The following GEN1 variants were observed in gnomAD, a reference collection of about 807,000 sequenced individuals.
GEN1 encodes flap endonuclease GEN homolog 1.
A neutral mutation model predicts 67.6 loss-of-function variants in GEN1; 64 were observed. The observed-to-expected ratio is 0.95, with a 90% confidence interval of 0.77 to 1.17. The LOEUF (loss-of-function observed/expected upper bound fraction) is 1.17, where lower values mean the gene tolerates loss of function less well. Ranked by LOEUF, GEN1 falls within the 50% of genes most tolerant of loss-of-function variation. GEN1 has a pLI of 0.00. For synonymous variants in GEN1, 371 were observed against 359.4 expected (o/e 1.03, Z -0.37); for missense variants, 1,058 against 1,048.3 (o/e 1.01, Z -0.13).
rs1168882758 is a variant in GEN1 at position 17,772,766 on chromosome 2, T to C, written c.935T>C (p.Val312Ala). Reference protein sequence around the residue: ...RTEHDRQLSEVENNIKKKACC... With the variant: ...RTEHDRQLSEAENNIKKKACC... Reference sequence around the variant, plus strand: ...GAACATGATAGGCAACTCAGTGAAGTAGAGAACAATATTAAGAAGTAAGTT... The same window carrying C: ...GAACATGATAGGCAACTCAGTGAAGCAGAGAACAATATTAAGAAGTAAGTT... Residue 312 changes from valine to alanine, a missense_variant, in exon 8 of 14, where the codon GTA (valine) becomes GCA (alanine). By Grantham distance (64) the Val-to-Ala change is moderately conservative. Transcript: ENST00000381254. 6.2e-7 allele frequency: 1 copy of C among 1,609,566 alleles called. No individual in the cohort carries two copies. Among genetic ancestry groups the C allele is most frequent in the Non-Finnish European group, 8.5e-7 (1 of 1,177,660 alleles).
In GEN1 at chr2:17,782,117, A is replaced by G. The variant is rs917688323; in HGVS notation, c.*178A>G. On this transcript the variant is annotated 3_prime_UTR_variant, in exon 14 of 14. Coordinates refer to ENST00000381254, the MANE Select transcript of GEN1 (RefSeq NM_001130009.3). ...AAGTCACCTAAAACTCTGGTTTTAA[A>G]AGATCCTCTGTATTGAAAACTTCTG... 1.7e-5 allele frequency: 8 copies of G among 480,848 alleles called. No individual in the cohort carries two copies. The highest frequency in any genetic ancestry group is 4.0e-5 in the African/African-American group (2 of 50,078). The allele number at this position is 480,848 out of a possible 1,614,324, so 29.8% of individuals were successfully genotyped here.
chr2:17,756,019 T>C (rs1419880516), intron 1 of GEN1, among the ~76,000 whole-genome samples: 1 of 152,226 alleles, frequency 6.6e-6, no homozygotes, highest in Non-Finnish European at 1.5e-5. Context: ...AAGCAATACT[T>C]TCTGAAATAG....
intron 4 of GEN1, 143 bp downstream of exon 4, chr2:17,765,216 A>C (rs1671870757): frequency 2.9e-6 from 2 of 691,376 alleles, no homozygotes; most frequent in East Asian, 5.7e-5. Context: ...ACTGTTATTA[A>C]AAATCATTGC....
At chr2:17,773,729 T>A (rs1672300627) in intron 10 of GEN1, among the ~76,000 whole-genome samples, 1 of 152,106 alleles carries the variant, frequency 6.6e-6, no homozygotes, top group Non-Finnish European at 1.5e-5. Context: ...AGAAATAATA[T>A]TACTTATCTC....
At position 17,764,995 on chromosome 2, in the gene GEN1, T is replaced by C. The variant is rs765113183; in HGVS notation, c.447T>C (p.Asp149=). 3.1e-6 allele frequency: 5 copies of C among 1,614,210 alleles called. No individual in the cohort carries two copies. The highest frequency in any genetic ancestry group is 3.4e-6 in the Non-Finnish European group (4 of 1,180,022). ...CAYLNAGGHV[D]GCLTNDGDTF... ...ATCTCAATGCTGGTGGTCATGTCGA[T>C]GGCTGCCTCACCAATGATGGAGATA... is the stretch of plus-strand genomic sequence containing the variant. The change falls in exon 4 of 14, where the codon GAT becomes GAC. Residue 149 remains aspartate, a synonymous_variant. Transcript: ENST00000381254.
Position 17,764,973 on chromosome 2 carries a change from T to G in GEN1, c.425T>G (p.Leu142Arg). Reference protein sequence around the residue: ...AGEAEAMCAYLNAGGHVDGCL... With the variant: ...AGEAEAMCAYRNAGGHVDGCL... The stretch of plus-strand genomic sequence containing the variant: ...GAAGCTGAAGCCATGTGTGCTTATC[T>G]CAATGCTGGTGGTCATGTCGATGGC... The change falls in exon 4 of 14, where the codon CTC (leucine) becomes CGC (arginine). Residue 142 changes from leucine (L) to arginine (R), a missense_variant. Coordinates refer to ENST00000381254, the MANE Select transcript of GEN1 (RefSeq NM_001130009.3). 1 of 1,614,182 alleles carries G rather than the reference T, an allele frequency of 6.2e-7. No homozygotes were observed. The highest frequency in any genetic ancestry group is 1.1e-5 in the South Asian group (1 of 91,090).
chr2:17,772,936 C>G (rs1672262281), intron 8 of GEN1, 152 bp downstream of exon 8: 4 of 881,426 alleles, frequency 4.5e-6, no homozygotes, highest in Non-Finnish European at 6.9e-6. Flanking sequence ...TTTAGCTAAC[C>G]TAGGAGATAG....
rs750630847 is a variant in GEN1 at position 17,766,739 on chromosome 2, A to C, written c.636+50A>C. 3.1e-6 allele frequency: 3 copies of C among 977,994 alleles called. No individual in the cohort carries two copies. In the East Asian group the frequency reaches 7.2e-5, roughly 23 times the overall value. The allele number at this position is 977,994 out of a possible 1,614,324, so 60.6% of individuals were successfully genotyped here. Reference sequence around the variant, plus strand: ...TTGCTATTCATAAAGTCTTTTTCGTACTTTATGTGCTGTATAAATATGAAT... The same window carrying C: ...TTGCTATTCATAAAGTCTTTTTCGTCCTTTATGTGCTGTATAAATATGAAT... On this transcript the variant is annotated intron_variant, in intron 5 of 13. Transcript: ENST00000381254.
intron 3 of GEN1, among the ~76,000 whole-genome samples, chr2:17,762,501 C>T (rs1671736573): frequency 6.6e-6 from 1 of 152,036 alleles, no homozygotes; most frequent in South Asian, 2.1e-4. Context: ...GCCCCTGTGC[C>T]TGGCCTTTTT....
At position 17,778,413 on chromosome 2, in the gene GEN1, T is replaced by C. The variant is rs1313077861; in HGVS notation, c.1264+350T>C. Reference sequence around the variant, plus strand: ...GTACATATATGTATATACACACATATATGTGTGTACATATATGTATATACA... The same window carrying C: ...GTACATATATGTATATACACACATACATGTGTGTACATATATGTATATACA... On this transcript the variant is annotated intron_variant, in intron 12 of 13. Transcript: ENST00000381254. Among the ~76,000 whole-genome samples the C allele has an allele frequency of 8.4e-4, 33 of 39,454 alleles. 4 individuals are homozygous for C. The highest frequency in any genetic ancestry group is 1.6e-3 in the African/African-American group (31 of 18,956). The allele number at this position is 39,454 out of a possible 152,430, so 25.9% of individuals were successfully genotyped here. A position where few individuals can be genotyped will look rare whatever the true frequency, so the allele number is the denominator to read the frequency against.
In GEN1 at chr2:17,768,778, T is replaced by A. The variant is rs143219130; in HGVS notation, c.677T>A (p.Ile226Lys). 1 of 1,611,536 alleles carries A rather than the reference T, an allele frequency of 6.2e-7. No individual in the cohort carries two copies. The highest frequency in any genetic ancestry group is 1.3e-5 in the African/African-American group (1 of 74,840). Residue 226 changes from isoleucine to lysine, a missense_variant, in exon 6 of 14, where the codon ATA becomes AAA. By Grantham distance (102) the Ile-to-Lys change is moderately radical. Transcript: ENST00000381254. ...GVGKEQALKLIQILKGQSLLQ... is the reference protein window; with the variant it reads ...GVGKEQALKLKQILKGQSLLQ... ...GGAAAAGAGCAAGCATTAAAACTTATACAGATTTTGAAAGGGCAAAGTTTA... is the reference window on the plus strand; with the variant it reads ...GGAAAAGAGCAAGCATTAAAACTTAAACAGATTTTGAAAGGGCAAAGTTTA...
intron 1 of GEN1, 173 bp downstream of exon 1, chr2:17,754,518 C>A (rs1272222082): frequency 1.3e-5 from 2 of 152,314 alleles, no homozygotes; most frequent in Non-Finnish European, 1.5e-5. Context: ...GCGACTTGGC[C>A]CCTGTTTTCC....
At chr2:17,767,609 G>T (rs1350104811) in intron 5 of GEN1, among the ~76,000 whole-genome samples, 1 of 152,036 alleles carries the variant, frequency 6.6e-6, no homozygotes, top group African/African-American at 2.4e-5. Flanking sequence ...AGTAAAAGAC[G>T]ATTTCCTAAA....
Position 17,761,377 on chromosome 2 carries a change from A to T in GEN1, c.162-19A>T. 2 of 1,333,822 alleles carry T rather than the reference A, an allele frequency of 1.5e-6. No homozygotes were observed. The highest frequency in any genetic ancestry group is 2.1e-6 in the Non-Finnish European group (2 of 939,074). 82.6% of individuals were successfully genotyped at this position (1,333,822 alleles called of 1,614,324 possible). ...ATCAGTGTTTGATGATTAATGTATT[A>T]CTAATTTATATATTTCAGGAACTTA... is the stretch of plus-strand genomic sequence containing the variant. On this transcript the variant is annotated intron_variant, in intron 2 of 13. Transcript: ENST00000381254.
chr2:17,764,166 A>G lies in GEN1; in HGVS notation c.349-731A>G, dbSNP rs575815719. Among the ~76,000 whole-genome samples the G allele has an allele frequency of 4.6e-5, 7 of 152,348 alleles. No individual in the cohort carries two copies. The South Asian group carries it at 8.3e-4, about 18-fold the overall frequency. ...AATGATGTAATCATTCTGCACAAACATTTGATTTCCTAGGAGGACACTGAC... is the reference window on the plus strand; with the variant it reads ...AATGATGTAATCATTCTGCACAAACGTTTGATTTCCTAGGAGGACACTGAC... On this transcript the variant is annotated intron_variant, in intron 3 of 13. Transcript: ENST00000381254.
chr2:17,774,200 A>G, intron 10 of GEN1, 71 bp from the exon 11 acceptor site: 1 of 748,742 alleles, frequency 1.3e-6, no homozygotes, highest in South Asian at 3.1e-5. Flanking sequence ...AAAAAATATT[A>G]ATATCACCTA....
intron 3 of GEN1, among the ~76,000 whole-genome samples, chr2:17,764,643 G>T (rs958494037): frequency 3.3e-5 from 5 of 151,994 alleles, no homozygotes; most frequent in Non-Finnish European, 5.9e-5. Flanking sequence ...TCTAAAAGAT[G>T]ATTCCTAAAA....
intron 1 of GEN1, among the ~76,000 whole-genome samples, chr2:17,758,783 G>A (rs1034455712): frequency 2.0e-5 from 3 of 151,960 alleles, no homozygotes; most frequent in Non-Finnish European, 4.4e-5. Flanking sequence ...GAACCTGGGA[G>A]GCAGAGGTTG....
chr2:17,769,679 G>C (rs1045923693), intron 6 of GEN1, among the ~76,000 whole-genome samples: 1 of 151,940 alleles, frequency 6.6e-6, no homozygotes, highest in East Asian at 1.9e-4. Flanking sequence ...ACATTAATTC[G>C]TTTAGTCTCT....
Sources: allele counts gnomAD v4.1 joint callset (sites outside exome capture counted in the v4.1 genomes callset), GRCh38; gene constraint gnomAD v4.1.1; transcripts MANE v1.5; gene names NCBI Gene and HGNC (gene_info 2026-07-23, HGNC 2026-07-21).